The following LRCH2 variants were observed in gnomAD, a reference collection of about 807,000 sequenced individuals.
LRCH2 encodes the protein leucine rich repeats and calponin homology domain containing 2.
A neutral mutation model predicts 68.9 loss-of-function variants in LRCH2; 38 were observed. The observed-to-expected ratio is 0.55, with a 90% CI of 0.43 to 0.72. The LOEUF (loss-of-function observed/expected upper bound fraction) is 0.72. Among genes scored for constraint, LRCH2 ranks in the 30% least tolerant of loss-of-function variants. LRCH2 has a pLI of 0.00. For synonymous variants in LRCH2, 191 were observed against 208.1 expected (o/e 0.92, Z 0.71); for missense variants, 528 against 572.9 (o/e 0.92, Z 0.80).
intron 11 of LRCH2, among the ~76,000 whole-genome samples, chrX:115,161,022 T>A (rs192886643): frequency 2.6e-4 from 29 of 112,550 alleles, no homozygotes; most frequent in Non-Finnish European, 3.8e-4. Flanking sequence ...TGGCTAGGGA[T>A]CTAAAATTCT....
In LRCH2 at chrX:115,149,580, C is replaced by CA. The variant is rs1271572434; in HGVS notation, c.1695+246dup. Among the ~76,000 whole-genome samples the CA allele has an allele frequency of 5.4e-5, 6 of 111,692 alleles. No homozygotes were observed. In the East Asian group the frequency reaches 1.7e-3, roughly 31 times the overall value. ...CATATTGCTACAACTAGCAGTGCAG[C>CA]AAACATTCGTCTATCTTGCAAAGTA... On this transcript the variant is annotated intron_variant, in intron 14 of 20. Coordinates refer to ENST00000317135, the MANE Select transcript of LRCH2 (RefSeq NM_020871.4).
intron 1 of LRCH2, among the ~76,000 whole-genome samples, chrX:115,232,544 C>A (rs1411692762): frequency 3.6e-5 from 4 of 111,450 alleles, no homozygotes; most frequent in Non-Finnish European, 7.5e-5. Context: ...TTCCTCCTCT[C>A]CCCACTTTGT....
chrX:115,169,361 A>C (rs1225532530), intron 6 of LRCH2, among the ~76,000 whole-genome samples: 1 of 112,074 alleles, frequency 8.9e-6, no homozygotes, highest in Non-Finnish European at 1.9e-5. Flanking sequence ...AATTCATGTT[A>C]AAATAAATAT....
intron 11 of LRCH2, among the ~76,000 whole-genome samples, chrX:115,160,043 C>T (rs1424903237): frequency 9.0e-5 from 10 of 111,316 alleles, no homozygotes; most frequent in Non-Finnish European, 1.9e-4. Flanking sequence ...AACTGCCAGG[C>T]GTGGTGGCTC....
intron 3 of LRCH2, among the ~76,000 whole-genome samples, chrX:115,182,975 A>G (rs2072704755): frequency 9.0e-6 from 1 of 110,757 alleles, no homozygotes; most frequent in East Asian, 2.8e-4. Context: ...AAAATGATAG[A>G]AGCATGTATT....
intron 1 of LRCH2, 54 bp downstream of exon 1, chrX:115,233,639 C>G: frequency 9.4e-7 from 1 of 1,067,401 alleles, no homozygotes; most frequent in Non-Finnish European, 1.2e-6. Context: ...CGCAGCCACC[C>G]ACTCCCCGCA....
chrX:115,168,889 T>C (rs965587048), intron 6 of LRCH2, among the ~76,000 whole-genome samples: 9 of 111,715 alleles, frequency 8.1e-5, no homozygotes, highest in Non-Finnish European at 1.5e-4. Context: ...TCAAACTTCT[T>C]ACCACATCCT....
intron 1 of LRCH2, among the ~76,000 whole-genome samples, chrX:115,209,937 G>C (rs1042042776): frequency 1.8e-4 from 20 of 111,590 alleles, no homozygotes; most frequent in African/African-American, 6.2e-4. Flanking sequence ...TTGAACTTGA[G>C]AGAGATGATT....
intron 14 of LRCH2, 38 bp from the exon 15 acceptor site, chrX:115,130,237 G>A (rs1442838648): frequency 6.5e-6 from 5 of 775,089 alleles, no homozygotes; most frequent in Non-Finnish European, 9.1e-6. Context: ...ATTTTCCCTT[G>A]AACATATAAA....
At chrX:115,181,950 C>G (rs1169679569) in intron 3 of LRCH2, among the ~76,000 whole-genome samples, 26 of 110,683 alleles carry the variant, frequency 2.3e-4, no homozygotes, top group African/African-American at 7.5e-4. Context: ...ACTTTTTTTT[C>G]TTGTCATTAC....
At chrX:115,175,661 G>A (rs1367605890) in intron 5 of LRCH2, among the ~76,000 whole-genome samples, 13 of 111,859 alleles carry the variant, frequency 1.2e-4, no homozygotes, top group Admixed American at 9.5e-4. Context: ...AAATAAAGTT[G>A]TTATCCTTTT....
At chrX:115,216,441 A>C (rs976848671) in intron 1 of LRCH2, among the ~76,000 whole-genome samples, 2 of 112,220 alleles carry the variant, frequency 1.8e-5, no homozygotes, top group Non-Finnish European at 3.8e-5. Flanking sequence ...CTTTTGTTGT[A>C]TGCATACAAA....
intron 1 of LRCH2, among the ~76,000 whole-genome samples, chrX:115,223,973 C>T (rs2073102416): frequency 9.2e-6 from 1 of 109,250 alleles, no homozygotes; most frequent in African/African-American, 3.3e-5. Context: ...CTGCCTCATA[C>T]CCACTAGGAT....
chrX:115,117,194 C>T (rs1556524347), intron 20 of LRCH2, among the ~76,000 whole-genome samples: 1 of 111,379 alleles, frequency 9.0e-6, no homozygotes, highest in African/African-American at 3.3e-5. Flanking sequence ...AAAAGATGAT[C>T]GGCATCATTA....
At chrX:115,149,151 T>C (rs782571077) in intron 14 of LRCH2, among the ~76,000 whole-genome samples, 58 of 111,764 alleles carry the variant, frequency 5.2e-4, no homozygotes, top group Non-Finnish European at 4.3e-4. Flanking sequence ...ACTATTCATT[T>C]GAGTCAAATC....
At position 115,122,411 on chromosome X, in the gene LRCH2, A is replaced by G. The variant is rs1467516753; in HGVS notation, c.2178+116T>C. 5.5e-6 allele frequency: 3 copies of G among 546,816 alleles called. No individual in the cohort carries two copies. The African/African-American group carries it at 7.0e-5, about 13-fold the overall frequency. The allele number at this position is 546,816 out of a possible 1,213,427, so 45.1% of individuals were successfully genotyped here. A position where few individuals can be genotyped will look rare whatever the true frequency, so the allele number is the denominator to read the frequency against. ...CTGGAGCTTAGGAGAAGGTACCAAG[A>G]GAAGGCATTCATTTTCATGTTCAGA... On this transcript the variant is annotated intron_variant, in intron 20 of 20. Transcript: ENST00000317135.
intron 1 of LRCH2, chrX:115,192,314 A>C (rs782632700): frequency 1.7e-6 from 2 of 1,160,890 alleles, no homozygotes; most frequent in South Asian, 3.8e-5. Flanking sequence ...CCCTCGCCTG[A>C]CGCCCACAGT....
intron 14 of LRCH2, among the ~76,000 whole-genome samples, chrX:115,147,809 G>T (rs1556536874): frequency 1.8e-5 from 2 of 110,857 alleles, no homozygotes; most frequent in African/African-American, 3.3e-5. Context: ...TCAGCACTTT[G>T]GGGGGGCCTA....
Position 115,184,546 on chromosome X carries a change from A to G in LRCH2, c.495-9T>C, listed in dbSNP as rs1556553749. 1.8e-6 allele frequency: 2 copies of G among 1,139,929 alleles called. No homozygotes were observed. Among genetic ancestry groups the G allele is most frequent in the Non-Finnish European group, 2.3e-6 (2 of 859,767 alleles). 93.9% of individuals were successfully genotyped at this position (1,139,929 alleles called of 1,213,427 possible). ...TTGATAAAAGATTTCGGCTGAAAAG[A>G]ATGAGAAAGTTTCATTACGAGAATA... On this transcript the variant is annotated splice_polypyrimidine_tract_variant and intron_variant, in intron 2 of 20. Transcript: ENST00000317135.
Sources: allele counts gnomAD v4.1 joint callset (sites outside exome capture counted in the v4.1 genomes callset), GRCh38; gene constraint gnomAD v4.1.1; transcripts MANE v1.5; gene names NCBI Gene and HGNC (gene_info 2026-07-23, HGNC 2026-07-21).